Variants in DAPK1 observed in about 807,000 individuals in gnomAD.
DAPK1 encodes death-associated protein kinase 1.
Under a neutral mutation model 144.9 loss-of-function variants are expected in DAPK1, and 56 were observed. The ratio of observed to expected loss-of-function variants is 0.39; its 90% confidence interval spans 0.31 to 0.48. The LOEUF (loss-of-function observed/expected upper bound fraction) is 0.48, where lower values mean the gene tolerates loss of function less well. Ranked by LOEUF, DAPK1 falls within the 20% of genes least tolerant of loss-of-function variation. The probability of loss-of-function intolerance (pLI) is 0.95; values close to 1 mark genes in which losing one functional copy is unlikely to be tolerated. For missense variants in DAPK1, 1,454 were observed against 1,875.4 expected (o/e 0.78, Z 4.15); for synonymous variants, 690 against 749.0 (o/e 0.92, Z 1.29).
chr9:87,539,456 G>T (rs1157862809), intron 2 of DAPK1, among the ~76,000 whole-genome samples: 1 of 119,838 alleles, frequency 8.3e-6, no homozygotes, highest in African/African-American at 3.2e-5. Context: ...TTGAGACAGA[G>T]TCTCGCTCTG....
At chr9:87,538,292 G>A (rs1825927808) in intron 2 of DAPK1, among the ~76,000 whole-genome samples, 1 of 152,034 alleles carries the variant, frequency 6.6e-6, no homozygotes, top group Admixed American at 6.6e-5. Flanking sequence ...ACTAATAATG[G>A]CCATTGGAGG....
At chr9:87,671,546 G>A (rs1043587979) in intron 19 of DAPK1, among the ~76,000 whole-genome samples, 14 of 151,672 alleles carry the variant, frequency 9.2e-5, no homozygotes, top group Non-Finnish European at 2.1e-4. Flanking sequence ...TGCGGCTCAG[G>A]CTGGAGTGCA....
At position 87,700,048 on chromosome 9, in the gene DAPK1, C is replaced by G. The variant is rs1825406860; in HGVS notation, c.2751-69C>G. 7 of 1,355,272 alleles carry G rather than the reference C, an allele frequency of 5.2e-6. No individual in the cohort carries two copies. In the South Asian group the frequency reaches 7.1e-5, roughly 14 times the overall value. 84.0% of individuals were successfully genotyped at this position (1,355,272 alleles called of 1,614,324 possible). A position where few individuals can be genotyped will look rare whatever the true frequency, so the allele number is the denominator to read the frequency against. On this transcript the variant is annotated intron_variant, in intron 23 of 25. Coordinates refer to ENST00000408954, the MANE Select transcript of DAPK1 (RefSeq NM_004938.4). ...TACCAGCCTCTTGAGCCAGTAGGAG[C>G]CTGGCCCCTCCATTAAAAGGCCTGG...
chr9:87,510,016 TCGATAAGGGTGTGC>T (rs1824770594), intron 2 of DAPK1, among the ~76,000 whole-genome samples: 1 of 152,180 alleles, frequency 6.6e-6, no homozygotes, highest in Non-Finnish European at 1.5e-5. Context: ...CCATTTAGAA[TCGATAAGGGTGTGC>T]CCCAGGCTCC....
intron 25 of DAPK1, among the ~76,000 whole-genome samples, chr9:87,703,941 G>A (rs989602678): frequency 6.6e-5 from 10 of 152,270 alleles, no homozygotes; most frequent in Middle Eastern, 3.4e-3. Flanking sequence ...CAAGAAGAGC[G>A]GTTCTGAATA....
At chr9:87,612,143 T>A (rs1276625884) in intron 3 of DAPK1, among the ~76,000 whole-genome samples, 1 of 152,232 alleles carries the variant, frequency 6.6e-6, no homozygotes, top group Non-Finnish European at 1.5e-5. Flanking sequence ...GGAGCCCTTA[T>A]GGCCTAAATT....
At chr9:87,613,222 C>G (rs1278692784) in intron 3 of DAPK1, among the ~76,000 whole-genome samples, 1 of 152,132 alleles carries the variant, frequency 6.6e-6, no homozygotes, top group Non-Finnish European at 1.5e-5. Context: ...CATGGTAAAA[C>G]AACATACAGT....
At chr9:87,628,394 C>A (rs1829554856) in intron 3 of DAPK1, among the ~76,000 whole-genome samples, 1 of 152,170 alleles carries the variant, frequency 6.6e-6, no homozygotes, top group Admixed American at 6.5e-5. Flanking sequence ...CAAAAAATGT[C>A]TCTGACCCCC....
intron 2 of DAPK1, among the ~76,000 whole-genome samples, chr9:87,586,437 TAC>T (rs1827943641): frequency 6.6e-6 from 1 of 152,114 alleles, no homozygotes; most frequent in Admixed American, 6.6e-5. Flanking sequence ...TGTATATGCA[TAC>T]AGTTATACTC....
At chr9:87,511,018 C>T (rs1824819238) in intron 2 of DAPK1, among the ~76,000 whole-genome samples, 1 of 152,182 alleles carries the variant, frequency 6.6e-6, no homozygotes. Context: ...TAACATGCTT[C>T]TGAATCTGTG....
chr9:87,571,436 A>AACAC (rs374135959), intron 2 of DAPK1, among the ~76,000 whole-genome samples: 137 of 13,026 alleles, frequency 0.011, 5 homozygotes, highest in Non-Finnish European at 0.013. Context: ...CCCACCCCCC[A>AACAC]ACACACACAC....
chr9:87,615,801 C>G (rs1829075254), intron 3 of DAPK1, among the ~76,000 whole-genome samples: 1 of 152,240 alleles, frequency 6.6e-6, no homozygotes, highest in Non-Finnish European at 1.5e-5. Context: ...GTAAGGAACG[C>G]TGTGCCCCCT....
intron 2 of DAPK1, among the ~76,000 whole-genome samples, chr9:87,516,443 C>T (rs1434777600): frequency 1.3e-5 from 2 of 152,116 alleles, no homozygotes; most frequent in African/African-American, 4.8e-5. Flanking sequence ...CATGGCCCCG[C>T]AACTTCCCAT....
chr9:87,632,073 T>G, intron 3 of DAPK1: 1 of 740,744 alleles, frequency 1.3e-6, no homozygotes, highest in South Asian at 6.5e-5. Context: ...AGGATGAAAG[T>G]TAATTAGTAT....
chr9:87,564,062 C>G (rs547013897), intron 2 of DAPK1, among the ~76,000 whole-genome samples: 102 of 152,306 alleles, frequency 6.7e-4, no homozygotes, highest in African/African-American at 2.3e-3. Context: ...TATTCAAAAC[C>G]CAGGTGCTTC....
At position 87,604,813 on chromosome 9, in the gene DAPK1, A is replaced by C. The variant is rs1828653317; in HGVS notation, c.63-141A>C. The C allele has an allele frequency of 9.1e-6, 6 of 661,564 alleles. No individual in the cohort carries two copies. In the East Asian group the frequency reaches 1.1e-4, roughly 12 times the overall value. 41.0% of individuals were successfully genotyped at this position (661,564 alleles called of 1,614,324 possible). On this transcript the variant is annotated intron_variant, in intron 2 of 25. Transcript: ENST00000408954. ...GTGTAAATGAATGATGATAAGAAAC[A>C]TCCCTACCTAATTTGTTACTTTCCA...
At chr9:87,629,624 CT>C (rs1321513838) in intron 3 of DAPK1, among the ~76,000 whole-genome samples, 1 of 152,172 alleles carries the variant, frequency 6.6e-6, no homozygotes, top group Non-Finnish European at 1.5e-5. Context: ...GCAACCCCGC[CT>C]TGGCCTCCCG....
intron 2 of DAPK1, among the ~76,000 whole-genome samples, chr9:87,550,026 C>T (rs1248766126): frequency 1.3e-5 from 2 of 152,132 alleles, no homozygotes; most frequent in African/African-American, 2.4e-5. Context: ...TTTTCTGTGT[C>T]GGGTAAAGTT....
chr9:87,641,830 T>C (rs1216195631), intron 9 of DAPK1, 139 bp from the exon 10 acceptor site: 1 of 660,820 alleles, frequency 1.5e-6, no homozygotes, highest in Non-Finnish European at 2.6e-6. Context: ...AGGTATTCCA[T>C]GTTATCCCAA....
Sources: allele counts gnomAD v4.1 joint callset (sites outside exome capture counted in the v4.1 genomes callset), GRCh38; gene constraint gnomAD v4.1.1; transcripts MANE v1.5; gene names NCBI Gene and HGNC (gene_info 2026-07-23, HGNC 2026-07-21).